Variants in TMPRSS11E observed in about 807,000 individuals in gnomAD.
TMPRSS11E encodes transmembrane protease serine 11E.
TMPRSS11E carries 38 observed loss-of-function variants against 48.1 expected under a neutral mutation model. The ratio of observed to expected loss-of-function variants is 0.79; its 90% CI spans 0.61 to 1.04. TMPRSS11E has a LOEUF of 1.04. Among genes scored for constraint, TMPRSS11E ranks in the 50% least tolerant of loss-of-function variants. The probability of loss-of-function intolerance (pLI) is 0.00; values close to 1 mark genes in which losing one functional copy is unlikely to be tolerated. For missense variants in TMPRSS11E, 530 were observed against 510.8 expected (o/e 1.04, Z -0.36); for synonymous variants, 158 against 171.9 (o/e 0.92, Z 0.63).
intron 2 of TMPRSS11E, among the ~76,000 whole-genome samples, chr4:68,464,676 A>G (rs907748659): frequency 6.6e-6 from 1 of 152,184 alleles, no homozygotes; most frequent in African/African-American, 2.4e-5. Flanking sequence ...AACCATATGA[A>G]ATTGCCAATA....
chr4:68,450,263 C>G (rs1728458942), intron 1 of TMPRSS11E, among the ~76,000 whole-genome samples: 1 of 151,898 alleles, frequency 6.6e-6, no homozygotes, highest in African/African-American at 2.4e-5. Flanking sequence ...AGAAAACTCT[C>G]TGTTGAGCAC....
chr4:68,462,073 C>T (rs1728806185), intron 2 of TMPRSS11E, 128 bp downstream of exon 2: 4 of 1,148,844 alleles, frequency 3.5e-6, no homozygotes, highest in African/African-American at 3.1e-5. Context: ...ACAAAGGGAT[C>T]TTTACCTGCT....
intron 4 of TMPRSS11E, among the ~76,000 whole-genome samples, chr4:68,470,259 A>G (rs567099989): frequency 6.6e-6 from 1 of 152,002 alleles, no homozygotes; most frequent in Admixed American, 6.6e-5. Context: ...TTGAAGACCA[A>G]TATTTAAGGT....
chr4:68,478,057 A>G (rs995856122), intron 8 of TMPRSS11E, among the ~76,000 whole-genome samples: 1 of 151,930 alleles, frequency 6.6e-6, no homozygotes, highest in Admixed American at 6.6e-5. Flanking sequence ...TTTCCTAGGC[A>G]CCCAACTTTT....
intron 9 of TMPRSS11E, among the ~76,000 whole-genome samples, chr4:68,491,401 A>G (rs946118806): frequency 6.7e-6 from 1 of 148,700 alleles, no homozygotes; most frequent in Non-Finnish European, 1.5e-5. Context: ...TCTAATTTTC[A>G]GAGTCTTTTT....
At chr4:68,457,243 G>T (rs1728658174) in intron 1 of TMPRSS11E, among the ~76,000 whole-genome samples, 1 of 152,126 alleles carries the variant, frequency 6.6e-6, no homozygotes, top group African/African-American at 2.4e-5. Context: ...CAAAGGATAT[G>T]AACAGACACT....
chr4:68,462,096 T>C, intron 2 of TMPRSS11E, 151 bp downstream of exon 2: 1 of 1,001,990 alleles, frequency 1.0e-6, no homozygotes, highest in Non-Finnish European at 1.5e-6. Flanking sequence ...CTCTCTTATT[T>C]AGTCCTCATA....
At chr4:68,458,766 T>G (rs1459114070) in intron 1 of TMPRSS11E, among the ~76,000 whole-genome samples, 1 of 152,152 alleles carries the variant, frequency 6.6e-6, no homozygotes, top group East Asian at 1.9e-4. Context: ...TGAATCAGTT[T>G]GAAAAACAAT....
chr4:68,453,316 T>C (rs1217474018), intron 1 of TMPRSS11E, among the ~76,000 whole-genome samples: 2 of 151,854 alleles, frequency 1.3e-5, no homozygotes, highest in Non-Finnish European at 2.9e-5. Context: ...AATGTAGATT[T>C]AGAGAAGGTG....
chr4:68,482,195 C>T (rs1729422330), intron 9 of TMPRSS11E, among the ~76,000 whole-genome samples: 1 of 151,194 alleles, frequency 6.6e-6, no homozygotes, highest in Non-Finnish European at 1.5e-5. Flanking sequence ...TTAAACAATC[C>T]GATCTCACAA....
rs1728937866 is a variant in TMPRSS11E at position 68,466,750 on chromosome 4, A to G, written c.256A>G (p.Met86Val). 1 of 1,613,478 alleles carries G rather than the reference A, an allele frequency of 6.2e-7. No individual in the cohort carries two copies. The highest frequency in any genetic ancestry group is 8.5e-7 in the Non-Finnish European group (1 of 1,179,570). ...FTEMSQRLES[M>V]VKNAFYKSPL... ...AGAAATGAGCCAGAGACTTGAATCA[A>G]TGGTAAGCAACTTGTCATCTACTTC... The change falls in exon 3 of 10, where the codon ATG (methionine) becomes GTG (valine). Residue 86 changes from methionine to valine, a missense_variant and splice_region_variant. Coordinates refer to ENST00000305363, the MANE Select transcript of TMPRSS11E (RefSeq NM_014058.4).
At position 68,477,600 on chromosome 4, in the gene TMPRSS11E, G is replaced by A. The variant is rs1208767776; in HGVS notation, c.939G>A (p.Val313=). The A allele has an allele frequency of 6.2e-7, 1 of 1,613,806 alleles. No individual in the cohort carries two copies. The highest frequency in any genetic ancestry group is 1.3e-5 in the African/African-American group (1 of 74,912). ...YEFQPGDVMF[V]TGFGALKNDG... ...TTCAACCAGGTGATGTGATGTTTGT[G>A]ACAGGATTTGGAGCACTGAAAAATG... The change falls in exon 8 of 10, where the codon GTG becomes GTA. Residue 313 remains valine (V), a synonymous_variant. Transcript: ENST00000305363.
At position 68,477,453 on chromosome 4, in the gene TMPRSS11E, T is replaced by C. The variant is rs1729255681; in HGVS notation, c.792T>C (p.Ile264=). The C allele has an allele frequency of 6.2e-7, 1 of 1,613,952 alleles. No homozygotes were observed. The highest frequency in any genetic ancestry group is 1.1e-5 in the South Asian group (1 of 91,080). The change falls in exon 8 of 10, where the codon ATT becomes ATC. Residue 264 remains isoleucine (I), a synonymous_variant. Transcript: ENST00000305363. ...SKMKRGLRRI[I]VHEKYKHPSH... ...TGAAACGGGGTCTCCGGAGAATAAT[T>C]GTCCATGAAAAATACAAACACCCAT...
At chr4:68,477,258 A>C in intron 7 of TMPRSS11E, 111 bp from the exon 8 acceptor site, 1 of 1,145,934 alleles carries the variant, frequency 8.7e-7, no homozygotes, top group South Asian at 1.6e-5. Flanking sequence ...CTATACATCA[A>C]AACTATAAAA....
intron 1 of TMPRSS11E, among the ~76,000 whole-genome samples, chr4:68,449,650 A>G (rs931405656): frequency 6.6e-5 from 10 of 151,868 alleles, no homozygotes; most frequent in Non-Finnish European, 1.3e-4. Flanking sequence ...CATGGAAATC[A>G]TATTTAAAAC....
chr4:68,466,553 A>T (rs1290819967), intron 2 of TMPRSS11E, 78 bp from the exon 3 acceptor site: 9 of 1,510,808 alleles, frequency 6.0e-6, no homozygotes, highest in Middle Eastern at 3.5e-4. Flanking sequence ...TCTTCCAGCA[A>T]CCACCAAGCG....
At chr4:68,484,903 G>C (rs1729509554) in intron 9 of TMPRSS11E, among the ~76,000 whole-genome samples, 1 of 152,144 alleles carries the variant, frequency 6.6e-6, no homozygotes, top group South Asian at 2.1e-4. Flanking sequence ...AAGAGAGATA[G>C]TTTGACTTCC....
At chr4:68,452,297 G>A (rs1728519255) in intron 1 of TMPRSS11E, among the ~76,000 whole-genome samples, 1 of 151,884 alleles carries the variant, frequency 6.6e-6, no homozygotes, top group African/African-American at 2.4e-5. Context: ...ATGAAAATAT[G>A]TGGCCCATTT....
chr4:68,491,069 A>G (rs1729706754), intron 9 of TMPRSS11E, among the ~76,000 whole-genome samples: 1 of 151,752 alleles, frequency 6.6e-6, no homozygotes, highest in South Asian at 2.1e-4. Flanking sequence ...CCTATTCAGC[A>G]TATTCTGACA....
Sources: allele counts gnomAD v4.1 joint callset (sites outside exome capture counted in the v4.1 genomes callset), GRCh38; gene constraint gnomAD v4.1.1; transcripts MANE v1.5; gene names NCBI Gene and HGNC (gene_info 2026-07-23, HGNC 2026-07-21).